The following ZMYM2 variants were observed in gnomAD, a reference collection of about 807,000 sequenced individuals.
The protein encoded by ZMYM2 is zinc finger MYM-type containing 2.
ZMYM2 carries 56 observed loss-of-function variants against 162.8 expected under a neutral mutation model. The observed-to-expected ratio is 0.34, with a 90% CI of 0.28 to 0.43. ZMYM2 has a LOEUF of 0.43. Among genes scored for constraint, ZMYM2 ranks in the 20% least tolerant of loss-of-function variants. ZMYM2 has a pLI of 1.00. For missense variants in ZMYM2, 1,275 were observed against 1,621.8 expected, an observed-to-expected ratio of 0.79 and a Z score of 3.67; for synonymous variants, 510 against 541.6, an observed-to-expected ratio of 0.94 and a Z score of 0.81.
chr13:19,880,614 A>C, the ZMYM2 span, among the ~76,000 whole-genome samples: 1 of 151,952 alleles, frequency 6.6e-6, no homozygotes, highest in South Asian at 2.1e-4. Flanking sequence ...ATTTTAATAG[A>C]GATGGGGTTT....
At chr13:20,056,708 TA>T (rs1433700622) in intron 14 of ZMYM2, among the ~76,000 whole-genome samples, 2 of 152,110 alleles carry the variant, frequency 1.3e-5, no homozygotes, top group Non-Finnish European at 2.9e-5. Flanking sequence ...GTTAAAAACA[TA>T]ATGTGCATCA....
At chr13:20,053,408 C>A (rs970982828) in intron 14 of ZMYM2, among the ~76,000 whole-genome samples, 14 of 152,158 alleles carry the variant, frequency 9.2e-5, no homozygotes, top group African/African-American at 3.4e-4. Context: ...CGCCTGTAAT[C>A]CCTGCAACAA....
intron 4 of ZMYM2, among the ~76,000 whole-genome samples, chr13:20,003,881 T>G (rs1055582889): frequency 6.6e-6 from 1 of 152,198 alleles, no homozygotes; most frequent in African/African-American, 2.4e-5. Flanking sequence ...GCTCCTGACC[T>G]CAGGTGATCT....
At chr13:19,908,240 A>C in the ZMYM2 span, among the ~76,000 whole-genome samples, 1 of 152,132 alleles carries the variant, frequency 6.6e-6, no homozygotes, top group African/African-American at 2.4e-5. Flanking sequence ...GTGAGCCGAG[A>C]TTGGACCACT....
intron 6 of ZMYM2, among the ~76,000 whole-genome samples, chr13:20,014,433 G>T (rs1951447715): frequency 6.6e-6 from 1 of 152,132 alleles, no homozygotes; most frequent in South Asian, 2.1e-4. Context: ...ATGTCTTCTT[G>T]TGTCAGTTTT....
chr13:19,866,166 G>A, the ZMYM2 span, among the ~76,000 whole-genome samples: 1 of 151,686 alleles, frequency 6.6e-6, no homozygotes, highest in Non-Finnish European at 1.5e-5. Context: ...AGGTTGCAGT[G>A]AGCCGAGACT....
intron 6 of ZMYM2, among the ~76,000 whole-genome samples, chr13:20,009,547 C>T (rs1951009230): frequency 6.6e-6 from 1 of 152,132 alleles, no homozygotes; most frequent in Admixed American, 6.5e-5. Flanking sequence ...CAAAAACTGA[C>T]ATTAGCCAAT....
the ZMYM2 span, among the ~76,000 whole-genome samples, chr13:19,877,105 A>G: frequency 6.7e-6 from 1 of 150,348 alleles, no homozygotes; most frequent in East Asian, 2.0e-4. Context: ...CCAGCTACTC[A>G]GGAGGGTGAG....
upstream of ZMYM2, among the ~76,000 whole-genome samples, chr13:19,956,659 A>C (rs1261946651): frequency 6.6e-6 from 1 of 152,244 alleles, no homozygotes; most frequent in Non-Finnish European, 1.5e-5. Flanking sequence ...TAGTTATATA[A>C]AACAGCAATA....
the ZMYM2 span, among the ~76,000 whole-genome samples, chr13:19,872,404 G>C: frequency 6.6e-6 from 1 of 152,032 alleles, no homozygotes; most frequent in Non-Finnish European, 1.5e-5. Context: ...ACAAAAATTA[G>C]CCAGGCATGG....
chr13:19,943,420 T>C, the ZMYM2 span, among the ~76,000 whole-genome samples: 29 of 152,258 alleles, frequency 1.9e-4, no homozygotes, highest in African/African-American at 6.7e-4. Context: ...ACACCAGGCA[T>C]GTGTGTTTTA....
intron 2 of ZMYM2, among the ~76,000 whole-genome samples, chr13:19,971,283 TC>T (rs1298072645): frequency 2.4e-5 from 3 of 122,608 alleles, no homozygotes; most frequent in African/African-American, 5.9e-5. Flanking sequence ...TTTTTTTTTT[TC>T]CTTGAGATGG....
the ZMYM2 span, among the ~76,000 whole-genome samples, chr13:19,945,505 G>A: frequency 6.6e-6 from 1 of 152,024 alleles, no homozygotes; most frequent in African/African-American, 2.4e-5. Flanking sequence ...ACCTGCCTCA[G>A]CCTCCCAAAG....
At chr13:20,018,687 A>G (rs988023019) in intron 6 of ZMYM2, among the ~76,000 whole-genome samples, 1 of 152,200 alleles carries the variant, frequency 6.6e-6, no homozygotes, top group Non-Finnish European at 1.5e-5. Flanking sequence ...TTTGACTTTC[A>G]TGGAAAGCAG....
chr13:20,001,690 A>G (rs1420156188), intron 3 of ZMYM2, among the ~76,000 whole-genome samples: 2 of 152,202 alleles, frequency 1.3e-5, no homozygotes, highest in African/African-American at 4.8e-5. Context: ...GAGTTCATTG[A>G]TGGGGTAAAG....
chr13:20,057,623 T>G (rs1955900878), intron 14 of ZMYM2, among the ~76,000 whole-genome samples: 1 of 152,240 alleles, frequency 6.6e-6, no homozygotes, highest in African/African-American at 2.4e-5. Flanking sequence ...GTGCATTATA[T>G]CTGTACTGTG....
chr13:19,963,330 G>A (rs1047211519), intron 2 of ZMYM2, among the ~76,000 whole-genome samples: 1 of 152,216 alleles, frequency 6.6e-6, no homozygotes, highest in African/African-American at 2.4e-5. Context: ...AAGCATAGAA[G>A]TGAACAGGAC....
intron 2 of ZMYM2, among the ~76,000 whole-genome samples, chr13:19,967,552 T>C (rs1351325654): frequency 6.6e-6 from 1 of 152,218 alleles, no homozygotes; most frequent in Non-Finnish European, 1.5e-5. Context: ...ATTTAATACA[T>C]TTATCAAATC....
chr13:19,994,397 G>T (rs748612176), intron 3 of ZMYM2, among the ~76,000 whole-genome samples: 3 of 152,166 alleles, frequency 2.0e-5, no homozygotes, highest in Non-Finnish European at 2.9e-5. Context: ...TTTGCTAATA[G>T]AATTTTTACT....
Sources: gnomAD v4.1 joint callset for allele counts (sites outside exome capture counted in the v4.1 genomes callset) on GRCh38, gnomAD v4.1.1 for gene constraint, MANE v1.5 for transcripts, NCBI Gene and HGNC (gene_info 2026-07-23, HGNC 2026-07-21) for gene names.